Variants in MGST2 observed in about 807,000 individuals in gnomAD.
The protein encoded by MGST2 is microsomal glutathione S-transferase 2.
Under a neutral mutation model 16.6 loss-of-function variants are expected in MGST2, and 9 were observed. The observed-to-expected ratio is 0.54, with a 90% CI of 0.33 to 0.95. MGST2 has a LOEUF of 0.95. Ranked by LOEUF, MGST2 falls within the 40% of genes least tolerant of loss-of-function variation. The pLI is 0.03. For missense variants in MGST2, 159 were observed against 175.1 expected, an observed-to-expected ratio of 0.91 and a Z score of 0.52; for synonymous variants, 79 against 68.0, an observed-to-expected ratio of 1.16 and a Z score of -0.79.
intron 1 of MGST2, among the ~76,000 whole-genome samples, chr4:139,667,365 C>T (rs8192014): frequency 0.012 from 1,809 of 152,148 alleles, 17 homozygotes; most frequent in Non-Finnish European, 0.017. Context: ...AACCTGCATG[C>T]GCCTTTATCC....
Position 139,678,577 on chromosome 4 carries a change from A to G in MGST2, c.93A>G (p.Leu31=), listed in dbSNP as rs898979219. ...YFALQVGKAR[L]KYKVTPPAVT... is the part of the protein sequence containing the mutation. The stretch of plus-strand genomic sequence containing the variant: ...CTTTGCAAGTTGGAAAGGCAAGATT[A>G]AAATACAAAGTTACGCCCCCAGCAG... The change falls in exon 2 of 5, where the codon TTA becomes TTG. Residue 31 remains leucine (L), a synonymous_variant. Coordinates refer to ENST00000265498, the MANE Select transcript of MGST2 (RefSeq NM_002413.5). 6.2e-7 allele frequency: 1 copy of G among 1,614,148 alleles called. No homozygotes were observed. Among genetic ancestry groups the G allele is most frequent in the Non-Finnish European group, 8.5e-7 (1 of 1,179,986 alleles).
At chr4:139,693,629 G>A (rs1043336966) in intron 2 of MGST2, among the ~76,000 whole-genome samples, 1 of 152,140 alleles carries the variant, frequency 6.6e-6, no homozygotes, top group Non-Finnish European at 1.5e-5. Flanking sequence ...AGATGTTAAT[G>A]GAAAGACAAC....
chr4:139,678,678 G>A (rs759552473), intron 2 of MGST2, 36 bp downstream of exon 2: 1 of 1,499,464 alleles, frequency 6.7e-7, no homozygotes, highest in African/African-American at 1.4e-5. Flanking sequence ...ATGGATCTGT[G>A]CCTGCCATAC....
chr4:139,737,122 G>C (rs796667837), intron 5 of MGST2, among the ~76,000 whole-genome samples: 15 of 152,218 alleles, frequency 9.9e-5, no homozygotes, highest in African/African-American at 3.4e-4. Context: ...TTGCTAAGGG[G>C]AGCATCAGAC....
At chr4:139,734,308 C>T (rs1728841173) in intron 5 of MGST2, among the ~76,000 whole-genome samples, 2 of 152,214 alleles carry the variant, frequency 1.3e-5, no homozygotes, top group Non-Finnish European at 2.9e-5. Context: ...GAAAACCAGG[C>T]TGAGCTTTCG....
rs1727923964 is a variant in MGST2 at position 139,715,712 on chromosome 4, C to CT, written c.*48+11517dup. Reference sequence around the variant, plus strand: ...CTGACCTTGCCATGGCATTTGTAAACTGTCATGGCACTGGTGGGAGTGTGG... The same window carrying CT: ...CTGACCTTGCCATGGCATTTGTAAACTTGTCATGGCACTGGTGGGAGTGTGG... On this transcript the variant is annotated intron_variant, in intron 5 of 5. Transcript: ENST00000616265. The surrounding 1 kb of genome is among the most constrained non-coding windows in gnomAD (Gnocchi z 4.4). Among the ~76,000 whole-genome samples the CT allele has an allele frequency of 6.6e-6, 1 of 152,152 alleles. No individual in the cohort carries two copies. Among genetic ancestry groups the CT allele is most frequent in the Non-Finnish European group, 1.5e-5 (1 of 68,022 alleles).
rs1579373560 is a variant in MGST2, at chr4:139,733,843, T to C, written c.*49-6369T>C. 3.3e-5 allele frequency among the ~76,000 whole-genome samples: 5 copies of C among 152,160 alleles called. No homozygotes were observed. In the South Asian group the frequency reaches 1.0e-3, roughly 32 times the overall value. On this transcript the variant is annotated intron_variant, in intron 5 of 5. Transcript: ENST00000616265. ...GGGGGACTACAGGTTTAAGCCACCATGCCCTGCTAATTTTTAAATTCTTTG... is the reference window on the plus strand; with the variant it reads ...GGGGGACTACAGGTTTAAGCCACCACGCCCTGCTAATTTTTAAATTCTTTG...
intron 2 of MGST2, among the ~76,000 whole-genome samples, chr4:139,679,983 G>C (rs1314523233): frequency 2.0e-5 from 3 of 152,102 alleles, no homozygotes; most frequent in Non-Finnish European, 2.9e-5. Flanking sequence ...ACTCTTCCTT[G>C]TCCCTACCTC....
chr4:139,692,537 A>G (rs147647998), intron 2 of MGST2, among the ~76,000 whole-genome samples: 4 of 152,324 alleles, frequency 2.6e-5, no homozygotes, highest in African/African-American at 9.6e-5. Context: ...AGGGAGATTA[A>G]GGGTGTGACT....
At position 139,704,101 on chromosome 4, in the gene MGST2, G is replaced by A. The variant is rs1441779517; in HGVS notation, c.397G>A (p.Glu133Lys). ...ALGIANSFLD[E>K]YLDLNIAKKL... The stretch of plus-strand genomic sequence containing the variant: ...GGGAATTGCAAACAGCTTTCTGGAT[G>A]AATATCTGGACCTCAATATTGCCAA... Residue 133 changes from glutamate to lysine, a missense_variant, in exon 5 of 5, where the codon GAA becomes AAA. Physicochemically the swap from Glu to Lys is moderately conservative, Grantham distance 56. Coordinates refer to ENST00000265498, the MANE Select transcript of MGST2 (RefSeq NM_002413.5). 6.2e-7 allele frequency: 1 copy of A among 1,614,010 alleles called. No homozygotes were observed. The highest frequency in any genetic ancestry group is 1.3e-5 in the African/African-American group (1 of 74,898).
chr4:139,705,122 A>G (rs970923350), downstream of MGST2, among the ~76,000 whole-genome samples: 8 of 152,256 alleles, frequency 5.3e-5, no homozygotes, highest in Non-Finnish European at 8.8e-5. Flanking sequence ...GGCTCAAGCG[A>G]GCCTCCTGCT....
At chr4:139,739,728 A>AAAAAG (rs1240368420) in intron 5 of MGST2, among the ~76,000 whole-genome samples, 1 of 149,958 alleles carries the variant, frequency 6.7e-6, no homozygotes, top group Non-Finnish European at 1.5e-5. Flanking sequence ...ACTAAAAAAA[A>AAAAAG]AAAAAGAAAA....
intron 1 of MGST2, among the ~76,000 whole-genome samples, chr4:139,671,026 C>G (rs970562067): frequency 6.6e-6 from 1 of 152,170 alleles, no homozygotes. Flanking sequence ...GTTTGTAGGG[C>G]GTGACTTAAC....
At chr4:139,687,794 C>G (rs1731644883) in intron 2 of MGST2, 1 of 152,198 alleles carries the variant, frequency 6.6e-6, no homozygotes, top group Non-Finnish European at 1.5e-5. Context: ...TTCTGAGTTA[C>G]TAGCCCTGGG....
chr4:139,695,159 T>C, intron 2 of MGST2, 38 bp from the exon 3 acceptor site: 1 of 1,444,904 alleles, frequency 6.9e-7, no homozygotes, highest in Middle Eastern at 1.8e-4. Flanking sequence ...TGTATACTTT[T>C]CTCATAAAAT....
chr4:139,720,078 T>G (rs1426102508), intron 5 of MGST2: 5 of 1,614,066 alleles, frequency 3.1e-6, no homozygotes, highest in Non-Finnish European at 4.2e-6. Context: ...CTCATGCCAC[T>G]TTGGTTTGGA....
intron 5 of MGST2, chr4:139,730,645 G>T (rs775901250): frequency 1.2e-6 from 2 of 1,612,742 alleles, no homozygotes; most frequent in African/African-American, 1.3e-5. Context: ...TGTGGTTCGG[G>T]GAAGTCCAAC....
intron 2 of MGST2, among the ~76,000 whole-genome samples, chr4:139,683,652 AGATGATTTACAGCCATGAGACTG>A (rs1254019367): frequency 2.0e-5 from 3 of 152,156 alleles, no homozygotes; most frequent in Non-Finnish European, 4.4e-5. Context: ...TGGCACAGGA[AGATGATTTACAGCCATGAGACTG>A]GATAAAATCA....
intron 5 of MGST2, among the ~76,000 whole-genome samples, chr4:139,727,140 A>G (rs1235135825): frequency 6.6e-6 from 1 of 151,998 alleles, no homozygotes; most frequent in Non-Finnish European, 1.5e-5. Flanking sequence ...CTGCTCTATA[A>G]TTTTCTTTTC....
Sources: gnomAD v4.1 joint callset for allele counts (sites outside exome capture counted in the v4.1 genomes callset) on GRCh38, gnomAD v4.1.1 for gene constraint, Gnocchi (gnomAD v3.1) non-coding constraint, MANE v1.5 for transcripts, NCBI Gene and HGNC (gene_info 2026-07-23, HGNC 2026-07-21) for gene names.